The following WDPCP variants were observed in gnomAD, a reference collection of about 807,000 sequenced individuals.
WDPCP encodes the protein WD repeat containing planar cell polarity effector, also known as WD repeat-containing and planar cell polarity effector protein fritz homolog.
In WDPCP, 71 loss-of-function variants were observed where a neutral mutation model predicts 93.1. The observed-to-expected ratio is 0.76, with a 90% CI of 0.63 to 0.93. The LOEUF (loss-of-function observed/expected upper bound fraction) is 0.93. Ranked by LOEUF, WDPCP falls within the 40% of genes least tolerant of loss-of-function variation. The probability of loss-of-function intolerance (pLI) is 0.00; values close to 1 mark genes in which losing one functional copy is unlikely to be tolerated. For missense variants in WDPCP, 844 were observed against 887.4 expected, an observed-to-expected ratio of 0.95 and a Z score of 0.62; for synonymous variants, 315 against 315.0, an observed-to-expected ratio of 1.00 and a Z score of 0.00.
intron 2 of WDPCP, among the ~76,000 whole-genome samples, chr2:63,685,018 A>C (rs1200291887): frequency 6.6e-6 from 1 of 152,196 alleles, no homozygotes. Flanking sequence ...ATTACACCAA[A>C]AACAAAGAAA....
chr2:63,214,061 C>G (rs193111452), intron 14 of WDPCP, among the ~76,000 whole-genome samples: 69 of 152,262 alleles, frequency 4.5e-4, no homozygotes, highest in African/African-American at 1.6e-3. Context: ...GAGCTGGTAC[C>G]ATGCCTTCTG....
At chr2:63,560,549 A>C (rs1176622129) in intron 1 of WDPCP, among the ~76,000 whole-genome samples, 1 of 152,240 alleles carries the variant, frequency 6.6e-6, no homozygotes, top group Admixed American at 6.5e-5. Flanking sequence ...TTATTGTGGC[A>C]CTATTCACAA....
chr2:63,362,277 T>TTGTGTGTGGGTGTG, intron 12 of WDPCP, among the ~76,000 whole-genome samples: 1 of 94,132 alleles, frequency 1.1e-5, no homozygotes, highest in Non-Finnish European at 1.9e-5. Flanking sequence ...TTTTTTTTGG[T>TTGTGTGTGGGTGTG]TGTGTGTGTG....
chr2:63,794,880 C>T (rs959635335), intron 2 of WDPCP, among the ~76,000 whole-genome samples: 8 of 152,198 alleles, frequency 5.3e-5, no homozygotes, highest in Non-Finnish European at 1.2e-4. Context: ...ATAGTAAACA[C>T]TGTTTGTTTT....
At chr2:63,777,783 G>A (rs911425923) in intron 2 of WDPCP, among the ~76,000 whole-genome samples, 4 of 152,118 alleles carry the variant, frequency 2.6e-5, no homozygotes, top group African/African-American at 4.8e-5. Context: ...AGAGTGAAAG[G>A]GAAGAATCAC....
chr2:63,837,193 G>T, the WDPCP span, among the ~76,000 whole-genome samples: 2 of 152,140 alleles, frequency 1.3e-5, no homozygotes, highest in Admixed American at 1.3e-4. Flanking sequence ...TCAAGTATTT[G>T]GAAACCCATT....
chr2:63,605,000 T>C, intron 3 of WDPCP: 1 of 891,102 alleles, frequency 1.1e-6, no homozygotes, highest in East Asian at 2.6e-5. Flanking sequence ...TTCGGGATCA[T>C]AGTAAGCCAG....
rs369835685 is a variant in WDPCP, at chr2:63,806,659, G to A, written n.308+6963C>T. ...AGTCTCGACCATAAAAAATGACCAC[G>A]CCCCGGGGAGGGGGTCAGTTCAGAG... is the stretch of plus-strand genomic sequence containing the variant. On this transcript the variant is annotated intron_variant and non_coding_transcript_variant, in intron 2 of 4. Transcript: ENST00000467687. Among the ~76,000 whole-genome samples, 9 of 152,148 alleles carry A rather than the reference G, an allele frequency of 5.9e-5. No homozygotes were observed. In the East Asian group the frequency reaches 7.7e-4, roughly 13 times the overall value.
intron 14 of WDPCP, among the ~76,000 whole-genome samples, chr2:63,183,937 G>C (rs1405385755): frequency 6.6e-6 from 1 of 151,906 alleles, no homozygotes; most frequent in African/African-American, 2.4e-5. Context: ...TATAAGCGTA[G>C]ATACTCCTGC....
chr2:63,200,583 C>G (rs1047559872), intron 14 of WDPCP, among the ~76,000 whole-genome samples: 1 of 152,122 alleles, frequency 6.6e-6, no homozygotes, highest in Non-Finnish European at 1.5e-5. Flanking sequence ...CACAGAAAGA[C>G]AAACTTATCA....
At chr2:63,542,719 T>C (rs995060814) in intron 1 of WDPCP, among the ~76,000 whole-genome samples, 1 of 152,140 alleles carries the variant, frequency 6.6e-6, no homozygotes, top group Non-Finnish European at 1.5e-5. Context: ...AATGAAAATA[T>C]ATATCATCAA....
intron 6 of WDPCP, among the ~76,000 whole-genome samples, chr2:63,447,196 A>C (rs1236550391): frequency 6.6e-6 from 1 of 152,194 alleles, no homozygotes; most frequent in African/African-American, 2.4e-5. Context: ...GTATGGGTAC[A>C]TATACGTATA....
chr2:63,776,655 C>CAAAAAAAA (rs778768889), intron 2 of WDPCP, among the ~76,000 whole-genome samples: 11 of 53,818 alleles, frequency 2.0e-4, no homozygotes, highest in African/African-American at 3.4e-4. Context: ...GGCCCTGTCT[C>CAAAAAAAA]AAAAAAAAAA....
intron 2 of WDPCP, among the ~76,000 whole-genome samples, chr2:63,696,441 C>T (rs1053859757): frequency 6.6e-6 from 1 of 152,172 alleles, no homozygotes; most frequent in Non-Finnish European, 1.5e-5. Flanking sequence ...TACAAGAATG[C>T]ATCATTATCA....
intron 1 of WDPCP, among the ~76,000 whole-genome samples, chr2:63,816,705 T>C (rs960672441): frequency 6.6e-6 from 1 of 152,204 alleles, no homozygotes; most frequent in African/African-American, 2.4e-5. Context: ...ACCACGTTTG[T>C]AGTCATTTGT....
chr2:63,754,859 T>C (rs1010655998), intron 2 of WDPCP, among the ~76,000 whole-genome samples: 1 of 152,212 alleles, frequency 6.6e-6, no homozygotes, highest in East Asian at 1.9e-4. Flanking sequence ...TCATTGTTAT[T>C]TTGGGTCAGA....
intron 6 of WDPCP, among the ~76,000 whole-genome samples, chr2:63,469,147 A>G (rs1183299627): frequency 1.3e-5 from 2 of 152,242 alleles, no homozygotes; most frequent in African/African-American, 2.4e-5. Context: ...CCACAATGAG[A>G]TATCATCCCA....
In WDPCP at chr2:63,404,514, C is replaced by G; in HGVS notation, c.969G>C (p.Arg323=). 6.2e-7 allele frequency: 1 copy of G among 1,613,812 alleles called. No homozygotes were observed. The highest frequency in any genetic ancestry group is 1.1e-5 in the South Asian group (1 of 91,056). ...TGACTGACACACACTGGATTTTATTCCGAATGCATTCATAGATGCAGCTGT... is the reference window on the plus strand; with the variant it reads ...TGACTGACACACACTGGATTTTATTGCGAATGCATTCATAGATGCAGCTGT... ...MADSCIYECI[R]NKIQCVSVTR... is the part of the protein sequence containing the mutation. The change falls in exon 10 of 18, where the codon CGG becomes CGC. Residue 323 remains arginine, a synonymous_variant. Transcript: ENST00000272321.
At position 63,781,035 on chromosome 2, in the gene WDPCP, T is replaced by C. The variant is rs566800543; in HGVS notation, n.308+32587A>G. On this transcript the variant is annotated intron_variant and non_coding_transcript_variant, in intron 2 of 4. Transcript: ENST00000467687. ...TTAGAATTGAGCCAACAATAGAAAA[T>C]TGAAGAACCAGGTCTGTTACAGAAT... Among the ~76,000 whole-genome samples, 12 of 152,220 alleles carry C rather than the reference T, an allele frequency of 7.9e-5. No homozygotes were observed. The South Asian group carries it at 2.5e-3, about 32-fold the overall frequency.
Sources: allele counts gnomAD v4.1 joint callset (sites outside exome capture counted in the v4.1 genomes callset), GRCh38; gene constraint gnomAD v4.1.1; transcripts MANE v1.5; gene names NCBI Gene and HGNC (gene_info 2026-07-23, HGNC 2026-07-21).